The following STRN variants were observed in gnomAD, a reference collection of about 807,000 sequenced individuals.
STRN encodes the protein striatin.
STRN carries 53 observed loss-of-function variants against 96.3 expected under a neutral mutation model. The observed-to-expected ratio is 0.55, with a 90% CI of 0.44 to 0.69. The LOEUF (loss-of-function observed/expected upper bound fraction) is 0.69. Ranked by LOEUF, STRN falls within the 30% of genes least tolerant of loss-of-function variation. The probability of loss-of-function intolerance (pLI) is 0.00; values close to 1 mark genes in which losing one functional copy is unlikely to be tolerated. For synonymous variants in STRN, 428 were observed against 355.9 expected, an observed-to-expected ratio of 1.20 and a Z score of -2.28; for missense variants, 987 against 963.9, an observed-to-expected ratio of 1.02 and a Z score of -0.32.
chr2:36,963,580 C>T (rs1665081272), intron 1 of STRN, among the ~76,000 whole-genome samples: 1 of 152,132 alleles, frequency 6.6e-6, no homozygotes, highest in South Asian at 2.1e-4. Flanking sequence ...ATATCATATT[C>T]ATCCTGTTAG....
intron 3 of STRN, 108 bp from the exon 4 acceptor site, chr2:36,905,726 A>C (rs564697571): frequency 4.3e-6 from 4 of 921,532 alleles, no homozygotes; most frequent in African/African-American, 1.6e-5. Context: ...AATATGTAAA[A>C]CTGCAACTGT....
chr2:36,880,274 A>C (rs1299879350), intron 9 of STRN, among the ~76,000 whole-genome samples: 1 of 152,086 alleles, frequency 6.6e-6, no homozygotes, highest in Admixed American at 6.6e-5. Context: ...GGCCTCTACA[A>C]AATTTTTTTT....
intron 3 of STRN, among the ~76,000 whole-genome samples, chr2:36,906,117 T>C (rs1466039048): frequency 6.6e-6 from 1 of 152,248 alleles, no homozygotes; most frequent in African/African-American, 2.4e-5. Context: ...TATCAAAACA[T>C]CTCATGTACC....
At position 36,840,026 on chromosome 2, in the gene STRN, G is replaced by A. The variant is rs1212813019; in HGVS notation, c.*9430C>T. 2 of 152,174 alleles carry A rather than the reference G, an allele frequency of 1.3e-5. No homozygotes were observed. The highest frequency in any genetic ancestry group is 4.8e-5 in the African/African-American group (2 of 41,436). 9.4% of individuals were successfully genotyped at this position (152,174 alleles called of 1,614,324 possible). A position where few individuals can be genotyped will look rare whatever the true frequency, so the allele number is the denominator to read the frequency against. ...CTTCAAGACAAAAACCAGCCTGAGAGCATCCTGAGGAACTTTGTCCCAGAA... is the reference window on the plus strand; with the variant it reads ...CTTCAAGACAAAAACCAGCCTGAGAACATCCTGAGGAACTTTGTCCCAGAA... On this transcript the variant is annotated 3_prime_UTR_variant, in exon 18 of 18. Coordinates refer to ENST00000263918, the MANE Select transcript of STRN (RefSeq NM_003162.4).
At chr2:36,906,020 C>T (rs1206859104) in intron 3 of STRN, among the ~76,000 whole-genome samples, 1 of 152,142 alleles carries the variant, frequency 6.6e-6, no homozygotes, top group Non-Finnish European at 1.5e-5. Flanking sequence ...AAGGGTATAA[C>T]TGGATTATTT....
At chr2:36,937,989 A>G (rs1455612641) in intron 1 of STRN, among the ~76,000 whole-genome samples, 3 of 152,212 alleles carry the variant, frequency 2.0e-5, no homozygotes, top group Non-Finnish European at 2.9e-5. Flanking sequence ...CTATGATCAC[A>G]TATCTAAAGG....
chr2:36,862,796 G>A (rs868528570), intron 12 of STRN, among the ~76,000 whole-genome samples: 3 of 151,222 alleles, frequency 2.0e-5, no homozygotes, highest in Non-Finnish European at 2.9e-5. Context: ...GTGCAGTGGC[G>A]CGATCTTGGC....
rs190041298 is a variant in STRN at position 36,916,725 on chromosome 2, A to G, written c.339-574T>C. 3.3e-5 allele frequency among the ~76,000 whole-genome samples: 5 copies of G among 152,320 alleles called. No individual in the cohort carries two copies. In the East Asian group the frequency reaches 9.6e-4, roughly 29 times the overall value. ...AGAAAGGAATTTTTTTATACTAGTC[A>G]AGATATCCCTTGTCTTTTGCTCAAA... is the stretch of plus-strand genomic sequence containing the variant. On this transcript the variant is annotated intron_variant, in intron 2 of 17. Transcript: ENST00000263918.
chr2:36,862,881 G>A (rs563518537), intron 12 of STRN, among the ~76,000 whole-genome samples: 19 of 151,988 alleles, frequency 1.3e-4, no homozygotes, highest in African/African-American at 2.7e-4. Context: ...GACTACAGGC[G>A]CCCACCACCA....
At chr2:36,955,011 G>A (rs1027871434) in intron 1 of STRN, among the ~76,000 whole-genome samples, 5 of 152,186 alleles carry the variant, frequency 3.3e-5, no homozygotes, top group Middle Eastern at 3.4e-3. Flanking sequence ...TTACTATACC[G>A]TTTCACTAAA....
At chr2:36,921,499 A>T (rs890024389) in intron 2 of STRN, among the ~76,000 whole-genome samples, 3 of 152,156 alleles carry the variant, frequency 2.0e-5, no homozygotes, top group Non-Finnish European at 4.4e-5. Context: ...ATTTCTCATC[A>T]TGCGTCCCCT....
chr2:36,929,469 A>C (rs1160589888), intron 1 of STRN, among the ~76,000 whole-genome samples: 1 of 151,212 alleles, frequency 6.6e-6, no homozygotes, highest in Non-Finnish European at 1.5e-5. Flanking sequence ...CTGCAACTTC[A>C]GCCTCCCAGG....
intron 5 of STRN, 89 bp from the exon 6 acceptor site, chr2:36,899,747 T>C (rs1486002821): frequency 8.2e-7 from 1 of 1,215,930 alleles, no homozygotes; most frequent in African/African-American, 1.5e-5. Context: ...AACTTCTATT[T>C]ATATGGTAAC....
intron 1 of STRN, among the ~76,000 whole-genome samples, chr2:36,957,748 T>TTTTG (rs1664928002): frequency 4.0e-5 from 3 of 75,864 alleles, no homozygotes; most frequent in South Asian, 1.1e-3. Flanking sequence ...TTTTGTCTTT[T>TTTTG]TTTTTTTTTT....
intron 13 of STRN, among the ~76,000 whole-genome samples, chr2:36,860,584 T>A (rs1398556702): frequency 6.6e-6 from 1 of 152,232 alleles, no homozygotes; most frequent in Non-Finnish European, 1.5e-5. Context: ...TTTTTACAAA[T>A]GAATCTGTGG....
At chr2:36,936,364 A>G (rs1670701455) in intron 1 of STRN, among the ~76,000 whole-genome samples, 1 of 152,224 alleles carries the variant, frequency 6.6e-6, no homozygotes, top group South Asian at 2.1e-4. Context: ...ATGACACATC[A>G]TCTTTTACTC....
chr2:36,954,619 G>T (rs892773925), intron 1 of STRN, among the ~76,000 whole-genome samples: 1 of 150,456 alleles, frequency 6.6e-6, no homozygotes, highest in Non-Finnish European at 1.5e-5. Context: ...AAGTATTTAA[G>T]GAAATGAGAG....
At chr2:36,945,975 G>A (rs901952173) in intron 1 of STRN, among the ~76,000 whole-genome samples, 14 of 151,500 alleles carry the variant, frequency 9.2e-5, no homozygotes, top group Non-Finnish European at 1.2e-4. Flanking sequence ...TTTTTTTAAG[G>A]AAAAACCCTG....
intron 7 of STRN, among the ~76,000 whole-genome samples, chr2:36,889,825 T>G (rs890695135): frequency 5.3e-5 from 8 of 152,140 alleles, no homozygotes; most frequent in African/African-American, 1.4e-4. Flanking sequence ...TTCCATTTAC[T>G]CATGCTCACT....
Sources: allele counts gnomAD v4.1 joint callset (sites outside exome capture counted in the v4.1 genomes callset), GRCh38; gene constraint gnomAD v4.1.1; transcripts MANE v1.5; gene names NCBI Gene and HGNC (gene_info 2026-07-23, HGNC 2026-07-21).